TACC3: variants seen among roughly 807,000 people sequenced by gnomAD.
TACC3 encodes transforming acidic coiled-coil-containing protein 3.
A neutral mutation model predicts 86.0 loss-of-function variants in TACC3; 52 were observed. The ratio of observed to expected loss-of-function variants is 0.60; its 90% CI spans 0.48 to 0.76. The LOEUF (loss-of-function observed/expected upper bound fraction) is 0.76, where lower values mean the gene tolerates loss of function less well. TACC3 is among the 30% of genes least tolerant of loss of function. The pLI, the probability that TACC3 is intolerant of heterozygous loss-of-function variation, is 0.00. For synonymous variants in TACC3, 512 were observed against 430.0 expected (o/e 1.19, Z -2.36); for missense variants, 1,120 against 1,070.4 (o/e 1.05, Z -0.65).
chr4:1,742,945 C>T (rs555161200), intron 13 of TACC3, among the ~76,000 whole-genome samples: 2 of 151,940 alleles, frequency 1.3e-5, no homozygotes, highest in Non-Finnish European at 2.9e-5. Context: ...CCAGCCTGGG[C>T]GACAGAGCGA....
At chr4:1,737,444 T>C (rs1258562043) in intron 9 of TACC3, 116 bp downstream of exon 9, 2 of 1,173,382 alleles carry the variant, frequency 1.7e-6, no homozygotes, top group Non-Finnish European at 2.5e-6. Flanking sequence ...GTTGGGGGCA[T>C]GGGGCCGCTG....
intron 8 of TACC3, among the ~76,000 whole-genome samples, chr4:1,736,442 A>AAC (rs1718269307): frequency 4.0e-5 from 6 of 151,564 alleles, no homozygotes; most frequent in Non-Finnish European, 2.9e-5. Flanking sequence ...AAAAAAAAAA[A>AAC]AAACCAAAAA....
At chr4:1,722,734 AAAGGGTGGC>A (rs1717473016) in intron 1 of TACC3, among the ~76,000 whole-genome samples, 1 of 152,176 alleles carries the variant, frequency 6.6e-6, no homozygotes, top group South Asian at 2.1e-4. Flanking sequence ...CTGTAGACAG[AAAGGGTGGC>A]AAGTGTGTGG....
chr4:1,744,673 G>GGCCCCAGCTCAGCCTCT, intron 14 of TACC3, 39 bp from the exon 15 acceptor site: 1 of 1,612,174 alleles, frequency 6.2e-7, no homozygotes. Flanking sequence ...TGAGCACCTG[G>GGCCCCAGCTCAGCCTCT]GCCCCAGCTC....
chr4:1,730,560 ATTTGAAGCC>A (rs1717954862), intron 4 of TACC3: 1 of 473,850 alleles, frequency 2.1e-6, no homozygotes, highest in East Asian at 5.4e-5. Flanking sequence ...CAGCCTCCAC[ATTTGAAGCC>A]TTTTGTCAGT....
In TACC3 at chr4:1,721,538, A is replaced by G. The variant is rs3134866; in HGVS notation, c.-107A>G. ...GCGGCCATCAAGGGCTAGAAGCGCG[A>G]CGGCGGTAGCAGCTAGGCTTGGCCC... On this transcript the variant is annotated 5_prime_UTR_variant, in exon 1 of 16. Coordinates refer to ENST00000313288, the MANE Select transcript of TACC3 (RefSeq NM_006342.3). 0.71 allele frequency: 107,998 copies of G among 151,754 alleles called. 39,596 individuals carry two copies. The highest frequency in any genetic ancestry group is 0.86 in the East Asian group (4,391 of 5,124). The allele number at this position is 151,754 out of a possible 1,614,324, so 9.4% of individuals were successfully genotyped here.
chr4:1,726,370 G>T (rs1469841500), intron 3 of TACC3, among the ~76,000 whole-genome samples: 2 of 152,288 alleles, frequency 1.3e-5, no homozygotes, highest in East Asian at 3.9e-4. Flanking sequence ...AGCACTGCCA[G>T]TCCCCGACTT....
In TACC3 at chr4:1,728,180, T is replaced by C; in HGVS notation, c.778T>C (p.Cys260Arg). 2 of 1,611,698 alleles carry C rather than the reference T, an allele frequency of 1.2e-6. No individual in the cohort carries two copies. The highest frequency in any genetic ancestry group is 1.6e-4 in the Middle Eastern group (1 of 6,062). The change falls in exon 4 of 16, where the codon TGC becomes CGC. Residue 260 changes from cysteine to arginine, a missense_variant. Transcript: ENST00000313288. ...TCCTGGTGCAATCCCTAAGGAAGCC[T>C]GCGGAGGAGCACCCCTGCAGGGTCT... ...SPPGAIPKEA[C>R]GGAPLQGLPG...
chr4:1,728,087 C>A lies in TACC3; in HGVS notation c.685C>A (p.Pro229Thr), dbSNP rs1276891271. 6.3e-7 allele frequency: 1 copy of A among 1,599,818 alleles called. No individual in the cohort carries two copies. Among genetic ancestry groups the A allele is most frequent in the South Asian group, 1.1e-5 (1 of 89,184 alleles). Residue 229 changes from proline (P) to threonine (T), a missense_variant, in exon 4 of 16, where the codon CCG becomes ACG. Coordinates refer to ENST00000313288, the MANE Select transcript of TACC3 (RefSeq NM_006342.3). ...CGAGGAAGAATGCAAAGCGGAGACT[C>A]CGCACGGAGCCGAGGAGGAATGCCG... is the stretch of plus-strand genomic sequence containing the variant. Reference protein sequence around the residue: ...GAEEECKAETPHGAEEECRHG... With the variant: ...GAEEECKAETTHGAEEECRHG...
At chr4:1,740,614 C>T (rs1577224927) in intron 12 of TACC3, 9 of 512,912 alleles carry the variant, frequency 1.8e-5, no homozygotes, top group Non-Finnish European at 2.1e-5. Context: ...CAGTTCCCTG[C>T]GGATCTGATG....
chr4:1,720,943 C>A, upstream of TACC3: 1 of 971,392 alleles, frequency 1.0e-6, no homozygotes, highest in Non-Finnish European at 1.4e-6. The surrounding 1 kb of genome is among the most constrained non-coding windows in gnomAD (Gnocchi z 4.4). Context: ...GCCGCCCGGC[C>A]GCCCGCGGGG....
Position 1,739,751 on chromosome 4 carries a change from A to C in TACC3, c.1991A>C (p.Glu664Ala). Residue 664 changes from glutamate (E) to alanine (A), a missense_variant, in exon 11 of 16, where the codon GAG becomes GCG. Transcript: ENST00000313288. ...ENRELRSRCE[E>A]LHGKNLELGK... ...CGGGAGCTGAGGAGCAGGTGTGAGGAGCTCCACGGGAAGAACCTGGAACTG... is the reference window on the plus strand; with the variant it reads ...CGGGAGCTGAGGAGCAGGTGTGAGGCGCTCCACGGGAAGAACCTGGAACTG... 6.3e-7 allele frequency: 1 copy of C among 1,587,284 alleles called. No individual in the cohort carries two copies. The highest frequency in any genetic ancestry group is 1.1e-5 in the South Asian group (1 of 87,324).
chr4:1,731,300 G>A lies in TACC3; in HGVS notation c.1590G>A (p.Glu530=), dbSNP rs575670163. The change falls in exon 6 of 16, where the codon GAG becomes GAA. Residue 530 remains glutamate, a splice_region_variant and synonymous_variant. Transcript: ENST00000313288. ...AGGAGAGCTTCAGAGACCCCGCTGA[G>A]GGTACGTTGCCTGGCACAGACGTCA... The part of the protein sequence containing the change: ...LKEESFRDPA[E]VLGTGAEVDY... 11 of 1,613,044 alleles carry A rather than the reference G, an allele frequency of 6.8e-6. No homozygotes were observed. Among genetic ancestry groups the A allele is most frequent in the Admixed American group, 1.7e-5 (1 of 60,030 alleles).
chr4:1,744,348 G>T (rs1718738427), intron 13 of TACC3, 170 bp from the exon 14 acceptor site: 1 of 627,464 alleles, frequency 1.6e-6, no homozygotes, highest in East Asian at 2.8e-5. Flanking sequence ...TCCAGAGGGG[G>T]TGAGCTGGGA....
At chr4:1,744,400 A>T (rs1577228708) in intron 13 of TACC3, 118 bp from the exon 14 acceptor site, 1 of 887,104 alleles carries the variant, frequency 1.1e-6, no homozygotes, top group Non-Finnish European at 1.7e-6. Context: ...AACGGGAGCT[A>T]CTGGCTCACG....
At chr4:1,740,778 C>G (rs747500174) in intron 12 of TACC3, 48 bp from the exon 13 acceptor site, 2 of 1,555,036 alleles carry the variant, frequency 1.3e-6, no homozygotes, top group South Asian at 1.2e-5. Flanking sequence ...TGGCACCCAT[C>G]GTTTCGGTTG....
rs753759799 is a variant in TACC3, at chr4:1,744,721, G to A, written c.2340G>A (p.Glu780=). The A allele has an allele frequency of 3.7e-6, 6 of 1,612,410 alleles. No homozygotes were observed. The South Asian group carries it at 6.6e-5, about 18-fold the overall frequency. The change falls in exon 15 of 16, where the codon GAG becomes GAA. Residue 780 remains glutamate (E), a synonymous_variant. Transcript: ENST00000313288. The stretch of plus-strand genomic sequence containing the variant: ...GCCCCTACCCCTCCAGGGCAAACGA[G>A]GAGATCGCCCAGGTCCGGAGCAAGG... ...HAEEKLQLAN[E]EIAQVRSKAQ... is the part of the protein sequence containing the mutation.
chr4:1,735,594 C>A lies in TACC3; in HGVS notation c.1645-137C>A. Reference sequence around the variant, plus strand: ...CTGCTGGGAATGGTGGTGTCTCGGGCAGGGTTGTGGGTGACCGGGGGTGGG... The same window carrying A: ...CTGCTGGGAATGGTGGTGTCTCGGGAAGGGTTGTGGGTGACCGGGGGTGGG... On this transcript the variant is annotated intron_variant, in intron 7 of 15. Transcript: ENST00000313288. The surrounding 1 kb of genome is among the most constrained non-coding windows in gnomAD (Gnocchi z 4.2). The A allele has an allele frequency of 1.3e-6, 1 of 790,792 alleles. No individual in the cohort carries two copies. Among genetic ancestry groups the A allele is most frequent in the Non-Finnish European group, 2.2e-6 (1 of 460,002 alleles). The allele number at this position is 790,792 out of a possible 1,614,324, so 49.0% of individuals were successfully genotyped here. A position where few individuals can be genotyped will look rare whatever the true frequency, so the allele number is the denominator to read the frequency against.
rs1242321684 is a variant in TACC3, at chr4:1,737,630, TG to T, written c.1874del (p.Gly625AlafsTer9). The part of the protein sequence containing the change: ...PGPPPGVPAP[G>X]GPPLSTGPIV... Reference sequence around the variant, plus strand: ...GCCCACCCCCAGGTGTTCCCGCGCCTGGGGGCCCACCCCTGTCCACCGGACC... The same window carrying T: ...GCCCACCCCCAGGTGTTCCCGCGCCTGGGGCCCACCCCTGTCCACCGGACC... On this transcript the variant is annotated frameshift_variant, in exon 10 of 16. Transcript: ENST00000313288. LOFTEE classifies it high-confidence loss of function. 1.3e-6 allele frequency: 2 copies of T among 1,533,098 alleles called. No individual in the cohort carries two copies. Among genetic ancestry groups the T allele is most frequent in the African/African-American group, 1.4e-5 (1 of 72,540 alleles). 95.0% of individuals were successfully genotyped at this position (1,533,098 alleles called of 1,614,324 possible).
Sources: gnomAD v4.1 joint callset for allele counts (sites outside exome capture counted in the v4.1 genomes callset) on GRCh38, gnomAD v4.1.1 for gene constraint, Gnocchi (gnomAD v3.1) non-coding constraint, MANE v1.5 for transcripts, NCBI Gene and HGNC (gene_info 2026-07-23, HGNC 2026-07-21) for gene names.